The following BAALC variants were observed in gnomAD, a reference collection of about 807,000 sequenced individuals.
BAALC encodes the protein BAALC binder of MAP3K1 and KLF4.
BAALC carries 9 observed loss-of-function variants against 15.5 expected under a neutral mutation model. The observed-to-expected ratio is 0.58, with a 90% CI of 0.35 to 1.02. BAALC has a LOEUF of 1.02. Ranked by LOEUF, BAALC falls within the 50% of genes least tolerant of loss-of-function variation. The probability of loss-of-function intolerance (pLI) is 0.02; values close to 1 mark genes in which losing one functional copy is unlikely to be tolerated. For missense variants in BAALC, 201 were observed against 192.4 expected (o/e 1.04, Z -0.27); for synonymous variants, 80 against 74.6 (o/e 1.07, Z -0.37).
chr8:103,220,813 A>C (rs62525463), intron 2 of BAALC, among the ~76,000 whole-genome samples: 10,093 of 152,288 alleles, frequency 0.066, 464 homozygotes, highest in Non-Finnish European at 0.1. Flanking sequence ...TTTTGCCATA[A>C]TTATGTCTTC....
intron 1 of BAALC, among the ~76,000 whole-genome samples, chr8:103,143,510 T>G (rs1293579861): frequency 1.3e-5 from 2 of 152,170 alleles, no homozygotes. Flanking sequence ...ATGGCTTCAC[T>G]ACTAGAATTC....
At chr8:103,151,209 A>G (rs1874090) in intron 1 of BAALC, among the ~76,000 whole-genome samples, 112,671 of 151,814 alleles carry the variant, frequency 0.74, 41,942 homozygotes, top group East Asian at 0.87. Context: ...AGTAGAGATG[A>G]GGTTTCACAG....
At chr8:103,206,722 A>T (rs1812340854) in intron 1 of BAALC, among the ~76,000 whole-genome samples, 1 of 152,036 alleles carries the variant, frequency 6.6e-6, no homozygotes, top group Non-Finnish European at 1.5e-5. Context: ...CCTGAGATGG[A>T]GATTTTGTGC....
At chr8:103,221,906 G>A (rs1220544858) in intron 2 of BAALC, among the ~76,000 whole-genome samples, 1 of 152,164 alleles carries the variant, frequency 6.6e-6, no homozygotes, top group African/African-American at 2.4e-5. Context: ...ATGTGCCCAA[G>A]GTGGTTGGGG....
intron 1 of BAALC, among the ~76,000 whole-genome samples, chr8:103,176,801 T>G (rs1035210791): frequency 2.0e-5 from 3 of 152,124 alleles, no homozygotes; most frequent in African/African-American, 7.2e-5. Context: ...TCCGGGAAAT[T>G]TTTCATTTTG....
chr8:103,157,138 A>T (rs1811112559), intron 1 of BAALC: 3 of 152,098 alleles, frequency 2.0e-5, no homozygotes, highest in Non-Finnish European at 1.5e-5. Context: ...ACACACACAC[A>T]CACACACACA....
chr8:103,209,396 T>C (rs1026228511), intron 1 of BAALC, among the ~76,000 whole-genome samples: 2 of 152,044 alleles, frequency 1.3e-5, no homozygotes, highest in Non-Finnish European at 2.9e-5. Context: ...AACATCTGTA[T>C]GGCACACTGG....
At chr8:103,184,026 C>T (rs1260652190) in intron 1 of BAALC, among the ~76,000 whole-genome samples, 1 of 152,216 alleles carries the variant, frequency 6.6e-6, no homozygotes, top group Admixed American at 6.5e-5. Context: ...GAATCCATTT[C>T]CTTTCCTTTT....
chr8:103,195,103 T>C (rs1178946425), intron 1 of BAALC, among the ~76,000 whole-genome samples: 1 of 152,182 alleles, frequency 6.6e-6, no homozygotes, highest in African/African-American at 2.4e-5. Context: ...GTAGACCTTC[T>C]AGTCCCAGAA....
intron 1 of BAALC, among the ~76,000 whole-genome samples, chr8:103,201,768 G>A (rs1242460529): frequency 6.6e-6 from 1 of 152,178 alleles, no homozygotes; most frequent in Non-Finnish European, 1.5e-5. Context: ...AGCCTCAGAT[G>A]TAAACCCAGC....
intron 1 of BAALC, among the ~76,000 whole-genome samples, chr8:103,161,812 CA>C (rs1811231274): frequency 6.6e-6 from 1 of 152,142 alleles, no homozygotes; most frequent in Non-Finnish European, 1.5e-5. Flanking sequence ...GGATTTTTAT[CA>C]CTTTAGTAGG....
At chr8:103,179,825 G>A (rs1250354705) in intron 1 of BAALC, among the ~76,000 whole-genome samples, 1 of 152,244 alleles carries the variant, frequency 6.6e-6, no homozygotes, top group Non-Finnish European at 1.5e-5. Context: ...TACTGTGGGA[G>A]GGATATTCAG....
rs891865401 is a variant in BAALC, at chr8:103,228,718, G to A, written c.*619G>A. On this transcript the variant is annotated 3_prime_UTR_variant, in exon 3 of 3. Coordinates refer to ENST00000309982, the MANE Select transcript of BAALC (RefSeq NM_024812.3). Reference sequence around the variant, plus strand: ...TGCACCAACCCACTGCCCATGGCATGTCTTTGGGAGGTGTCTGTGAAGCAG... The same window carrying A: ...TGCACCAACCCACTGCCCATGGCATATCTTTGGGAGGTGTCTGTGAAGCAG... 1 of 152,292 alleles carries A rather than the reference G, an allele frequency of 6.6e-6. No individual in the cohort carries two copies. The highest frequency in any genetic ancestry group is 2.4e-5 in the African/African-American group (1 of 41,456). The allele number at this position is 152,292 out of a possible 1,614,324, so 9.4% of individuals were successfully genotyped here.
chr8:103,169,290 A>G (rs1248445300), intron 1 of BAALC, among the ~76,000 whole-genome samples: 1 of 151,916 alleles, frequency 6.6e-6, no homozygotes, highest in Non-Finnish European at 1.5e-5. Flanking sequence ...TTTTCATAGC[A>G]TCTCATTCTT....
rs771891610 is a variant in BAALC at position 103,187,224 on chromosome 8, G to A, written c.161-25695G>A. ...ATGATTGCCACTTCTAGTGGGCACC[G>A]AAGTCCCCTCTTTATTATTGCCACA... On this transcript the variant is annotated intron_variant, in intron 1 of 2. Transcript: ENST00000309982. 6.6e-5 allele frequency among the ~76,000 whole-genome samples: 10 copies of A among 152,194 alleles called. No individual in the cohort carries two copies. The East Asian group carries it at 1.5e-3, about 24-fold the overall frequency.
intron 1 of BAALC, among the ~76,000 whole-genome samples, chr8:103,200,050 G>A (rs1014389543): frequency 2.6e-5 from 4 of 152,016 alleles, no homozygotes; most frequent in African/African-American, 7.3e-5. Flanking sequence ...TCTTTATCTA[G>A]TCTATCACCA....
At chr8:103,190,627 C>T (rs1426890177) in intron 1 of BAALC, among the ~76,000 whole-genome samples, 1 of 152,196 alleles carries the variant, frequency 6.6e-6, no homozygotes, top group Non-Finnish European at 1.5e-5. Flanking sequence ...ATTTAGATTA[C>T]TTTCCAATAA....
intron 1 of BAALC, chr8:103,198,237 G>T: frequency 1.6e-6 from 1 of 625,488 alleles, no homozygotes; most frequent in Non-Finnish European, 2.9e-6. Context: ...CTGTTCTTAT[G>T]TATCATTATA....
chr8:103,180,900 T>C (rs1811711733), intron 1 of BAALC, among the ~76,000 whole-genome samples: 1 of 152,236 alleles, frequency 6.6e-6, no homozygotes, highest in African/African-American at 2.4e-5. Context: ...CTTTTGTTCC[T>C]TCCTTTCTGG....
Sources: allele counts gnomAD v4.1 joint callset (sites outside exome capture counted in the v4.1 genomes callset), GRCh38; gene constraint gnomAD v4.1.1; transcripts MANE v1.5; gene names NCBI Gene and HGNC (gene_info 2026-07-23, HGNC 2026-07-21).